The following UNC5D variants were observed in gnomAD, a reference collection of about 807,000 sequenced individuals.
The protein encoded by UNC5D is netrin receptor UNC5D.
In UNC5D, 39 loss-of-function variants were observed where a neutral mutation model predicts 105.4. That is an observed-to-expected ratio of 0.37 (90% CI 0.29 to 0.48). The LOEUF is 0.48. Ranked by LOEUF, UNC5D falls within the 20% of genes least tolerant of loss-of-function variation. The pLI is 0.98. For synonymous variants in UNC5D, 452 were observed against 450.4 expected (o/e 1.00, Z -0.04); for missense variants, 991 against 1,202.4 (o/e 0.82, Z 2.60).
At chr8:35,549,643 A>G in intron 2 of UNC5D, 133 bp downstream of exon 2, 1 of 818,060 alleles carries the variant, frequency 1.2e-6, no homozygotes, top group Non-Finnish European at 1.9e-6. Context: ...CACTCCCAGC[A>G]TATAAGATGC....
rs912606870 is a variant in UNC5D at position 35,235,780 on chromosome 8, G to A, written c.-5G>A. The A allele has an allele frequency of 8.1e-7, 1 of 1,229,784 alleles. No homozygotes were observed. The allele number at this position is 1,229,784 out of a possible 1,614,324, so 76.2% of individuals were successfully genotyped here. ...AGAGCCGCCCTCCGGAACGCGGCGA[G>A]GAGCATGGGGAGAGCGGCGGCCACC... On this transcript the variant is annotated 5_prime_UTR_variant, in exon 1 of 17. Transcript: ENST00000404895.
At chr8:35,595,251 G>T (rs1467340308) in intron 3 of UNC5D, among the ~76,000 whole-genome samples, 1 of 152,122 alleles carries the variant, frequency 6.6e-6, no homozygotes, top group Non-Finnish European at 1.5e-5. Flanking sequence ...AGCAGATAAT[G>T]CTGGCAAAGA....
At chr8:35,620,152 T>A (rs1313464494) in intron 4 of UNC5D, among the ~76,000 whole-genome samples, 1 of 152,228 alleles carries the variant, frequency 6.6e-6, no homozygotes, top group Non-Finnish European at 1.5e-5. Context: ...CCAGAACGAT[T>A]TGACAAAGAC....
intron 3 of UNC5D, among the ~76,000 whole-genome samples, chr8:35,577,693 T>G (rs532219300): frequency 6.6e-6 from 1 of 152,162 alleles, no homozygotes; most frequent in African/African-American, 2.4e-5. Context: ...AACTAATGGG[T>G]GAAAGTTTCA....
intron 1 of UNC5D, among the ~76,000 whole-genome samples, chr8:35,298,728 A>G (rs1807695743): frequency 6.6e-6 from 1 of 152,198 alleles, no homozygotes; most frequent in Admixed American, 6.5e-5. Context: ...CAAGGAAAAT[A>G]GAGCAAAATT....
At chr8:35,603,140 C>T (rs551327763) in intron 4 of UNC5D, among the ~76,000 whole-genome samples, 103 of 151,616 alleles carry the variant, frequency 6.8e-4, no homozygotes, top group African/African-American at 2.3e-3. Flanking sequence ...GTGATGTTAG[C>T]GTGTCAATTT....
chr8:35,437,448 A>T (rs879503381), intron 1 of UNC5D, among the ~76,000 whole-genome samples: 2 of 152,096 alleles, frequency 1.3e-5, no homozygotes, highest in Non-Finnish European at 2.9e-5. Context: ...GGTCTTCCCC[A>T]TATAATTGTT....
intron 1 of UNC5D, among the ~76,000 whole-genome samples, chr8:35,333,728 C>A (rs973187284): frequency 6.6e-6 from 1 of 152,178 alleles, no homozygotes; most frequent in Non-Finnish European, 1.5e-5. Context: ...GATCCACTAG[C>A]CTCTGCCTCC....
At chr8:35,565,360 A>G (rs946653205) in intron 2 of UNC5D, among the ~76,000 whole-genome samples, 3 of 151,820 alleles carry the variant, frequency 2.0e-5, no homozygotes, top group Non-Finnish European at 2.9e-5. Flanking sequence ...ATTTTTTTCT[A>G]TCTTTGTTGG....
chr8:35,291,117 G>C (rs1354440152), intron 1 of UNC5D, among the ~76,000 whole-genome samples: 1 of 152,064 alleles, frequency 6.6e-6, no homozygotes, highest in Non-Finnish European at 1.5e-5. Flanking sequence ...GAATTGCCTT[G>C]CTGGGAGCAA....
intron 1 of UNC5D, among the ~76,000 whole-genome samples, chr8:35,453,368 G>A (rs1227622138): frequency 6.6e-6 from 1 of 152,100 alleles, no homozygotes; most frequent in Non-Finnish European, 1.5e-5. Context: ...AAAAATGGGT[G>A]TGCTAAAAAG....
At chr8:35,277,345 C>A (rs912619802) in intron 1 of UNC5D, among the ~76,000 whole-genome samples, 2 of 152,144 alleles carry the variant, frequency 1.3e-5, no homozygotes, top group South Asian at 4.1e-4. Flanking sequence ...TTCTTAAAGG[C>A]TAGTACATGG....
At chr8:35,732,052 T>C (rs556336936) in intron 11 of UNC5D, among the ~76,000 whole-genome samples, 1 of 152,336 alleles carries the variant, frequency 6.6e-6, no homozygotes, top group East Asian at 1.9e-4. Flanking sequence ...CAGAAAGCAA[T>C]TTCTCTCATA....
intron 1 of UNC5D, among the ~76,000 whole-genome samples, chr8:35,513,110 G>A (rs1483411159): frequency 6.6e-6 from 1 of 152,066 alleles, no homozygotes; most frequent in African/African-American, 2.4e-5. Flanking sequence ...ATTCCAGACA[G>A]GCTCCCACCT....
At chr8:35,336,580 G>C (rs1379488079) in intron 1 of UNC5D, among the ~76,000 whole-genome samples, 1 of 152,132 alleles carries the variant, frequency 6.6e-6, no homozygotes, top group Non-Finnish European at 1.5e-5. Flanking sequence ...GGCATCACAG[G>C]AGACACAGCT....
chr8:35,668,660 C>T (rs997244644), intron 4 of UNC5D, among the ~76,000 whole-genome samples: 1 of 151,970 alleles, frequency 6.6e-6, no homozygotes, highest in Admixed American at 6.6e-5. Context: ...TTCAAGAGGA[C>T]AGTTGACTCT....
At chr8:35,708,926 C>T (rs1170424307) in intron 8 of UNC5D, among the ~76,000 whole-genome samples, 3 of 152,064 alleles carry the variant, frequency 2.0e-5, no homozygotes, top group African/African-American at 7.2e-5. Context: ...AATCCTTTTC[C>T]CATCTTCTCT....
In UNC5D at chr8:35,327,298, C is replaced by A. The variant is rs376321973; in HGVS notation, c.103+91411C>A. 4.7e-4 allele frequency among the ~76,000 whole-genome samples: 72 copies of A among 152,272 alleles called. 1 individual carries two copies. Among genetic ancestry groups the A allele is most frequent in the African/African-American group, 1.6e-3 (67 of 41,550 alleles). On this transcript the variant is annotated intron_variant, in intron 1 of 16. Transcript: ENST00000404895. ...TTAATTTTTACATGGACTAAATGGC[C>A]TTTCCAAATGATTATAAAGATGCCA... is the stretch of plus-strand genomic sequence containing the variant.
At chr8:35,595,698 G>A in intron 4 of UNC5D, 41 bp downstream of exon 4, 3 of 1,587,300 alleles carry the variant, frequency 1.9e-6, no homozygotes, top group African/African-American at 1.3e-5. Context: ...GAGGAACCAG[G>A]CCTGTTCCCA....
Sources: allele counts gnomAD v4.1 joint callset (sites outside exome capture counted in the v4.1 genomes callset), GRCh38; gene constraint gnomAD v4.1.1; transcripts MANE v1.5; gene names NCBI Gene and HGNC (gene_info 2026-07-23, HGNC 2026-07-21).